Variants in DGKQ observed in about 807,000 individuals in gnomAD.
The protein encoded by DGKQ is diacylglycerol kinase theta.
DGKQ carries 97 observed loss-of-function variants against 104.2 expected under a neutral mutation model. That is an observed-to-expected ratio of 0.93 (90% confidence interval 0.79 to 1.10). The LOEUF (loss-of-function observed/expected upper bound fraction) is 1.10, where lower values mean the gene tolerates loss of function less well. Ranked by LOEUF, DGKQ falls within the 50% of genes least tolerant of loss-of-function variation. DGKQ has a pLI of 0.00. For synonymous variants in DGKQ, 736 were observed against 595.2 expected, an observed-to-expected ratio of 1.24 and a Z score of -3.44; for missense variants, 1,465 against 1,352.1, an observed-to-expected ratio of 1.08 and a Z score of -1.31.
chr4:960,561 TG>T lies in DGKQ; in HGVS notation c.*58del, dbSNP rs1711800342. Reference sequence around the variant, plus strand: ...GACGTGGAGCTGCCTCCAGACCACCTGAAAACAAGGCTGGCGGGAGCAGAGA... The same window carrying T: ...GACGTGGAGCTGCCTCCAGACCACCTAAAACAAGGCTGGCGGGAGCAGAGA... On this transcript the variant is annotated 3_prime_UTR_variant, in exon 23 of 23. Coordinates refer to ENST00000273814, the MANE Select transcript of DGKQ (RefSeq NM_001347.4). 6.5e-7 allele frequency: 1 copy of T among 1,528,990 alleles called. No individual in the cohort carries two copies. The highest frequency in any genetic ancestry group is 1.4e-5 in the African/African-American group (1 of 73,370). The allele number at this position is 1,528,990 out of a possible 1,614,324, so 94.7% of individuals were successfully genotyped here. A position where few individuals can be genotyped will look rare whatever the true frequency, so the allele number is the denominator to read the frequency against.
At position 967,939 on chromosome 4, in the gene DGKQ, A is replaced by G. The variant is rs1277604283; in HGVS notation, c.752T>C (p.Leu251Pro). ...CGTCTTGCTGAAGCCGCCGGGCAGA[A>G]GGCGCACGCACGCGGGAGGCAGGAC... is the stretch of plus-strand genomic sequence containing the variant. ...SLVLPPACVR[L>P]LPGGFSKTQS... Residue 251 changes from leucine to proline, a missense_variant, in exon 6 of 23, where the codon CTT becomes CCT. Transcript: ENST00000273814. 4 of 1,476,690 alleles carry G rather than the reference A, an allele frequency of 2.7e-6. No individual in the cohort carries two copies. In the African/African-American group the frequency reaches 4.4e-5, roughly 16 times the overall value. 91.5% of individuals were successfully genotyped at this position (1,476,690 alleles called of 1,614,324 possible).
At chr4:965,336 C>T in intron 14 of DGKQ, 45 bp from the exon 15 acceptor site, 1 of 1,592,298 alleles carries the variant, frequency 6.3e-7, no homozygotes, top group African/African-American at 1.3e-5. Flanking sequence ...TCCCATGGCC[C>T]CCACGGTGCC....
chr4:960,860 C>T, intron 22 of DGKQ, 139 bp from the exon 23 acceptor site: 1 of 1,478,830 alleles, frequency 6.8e-7, no homozygotes. Context: ...ACCTGTCTGG[C>T]TGCTCCCTGT....
chr4:973,338 C>T lies in DGKQ; in HGVS notation c.145G>A (p.Gly49Ser). 1.4e-6 allele frequency: 2 copies of T among 1,392,012 alleles called. No individual in the cohort carries two copies. Among genetic ancestry groups the T allele is most frequent in the Non-Finnish European group, 1.9e-6 (2 of 1,063,654 alleles). 86.2% of individuals were successfully genotyped at this position (1,392,012 alleles called of 1,614,324 possible). A position where few individuals can be genotyped will look rare whatever the true frequency, so the allele number is the denominator to read the frequency against. ...PGPGPGPERA[G>S]VRAPGPAAAP... ...GCAGCGGGGCCCGGGGCTCTGACGC[C>T]CGCCCGCTCGGGTCCCGGCCCCGGC... The change falls in exon 1 of 23, where the codon GGC becomes AGC. Residue 49 changes from glycine (G) to serine (S), a missense_variant. Transcript: ENST00000273814.
chr4:963,005 G>T, intron 16 of DGKQ, 85 bp from the exon 17 acceptor site: 1 of 1,522,022 alleles, frequency 6.6e-7, no homozygotes, highest in Middle Eastern at 2.0e-4. Context: ...TGCCCGTCCT[G>T]GCCGTGTGGA....
At chr4:964,593 G>A (rs771441681) in intron 15 of DGKQ, among the ~76,000 whole-genome samples, 27 of 152,018 alleles carry the variant, frequency 1.8e-4, no homozygotes, top group Non-Finnish European at 3.4e-4. Flanking sequence ...GCCCTGCCCT[G>A]TTGCCAGGTG....
rs758768735 is a variant in DGKQ at position 960,657 on chromosome 4, G to A, written c.2792C>T (p.Ala931Val). 38 of 1,612,004 alleles carry A rather than the reference G, an allele frequency of 2.4e-5. No individual in the cohort carries two copies. The highest frequency in any genetic ancestry group is 1.7e-4 in the African/African-American group (13 of 74,896). ...RRAGTTRDAR[A>V]DAAPAPESDP... ...GCTCTCAGGGGCAGGCGCAGCATCCGCCCGGGCATCCCTGGTGGTCCCGGC... is the reference window on the plus strand; with the variant it reads ...GCTCTCAGGGGCAGGCGCAGCATCCACCCGGGCATCCCTGGTGGTCCCGGC... Residue 931 changes from alanine to valine, a missense_variant, in exon 23 of 23, where the codon GCG becomes GTG. Transcript: ENST00000273814.
intron 18 of DGKQ, 58 bp downstream of exon 18, chr4:962,377 G>A (rs977703295): frequency 1.4e-5 from 20 of 1,475,270 alleles, no homozygotes; most frequent in African/African-American, 1.1e-4. Flanking sequence ...GTTGTGACGC[G>A]TGTAGCGGGG....
chr4:969,005 G>A (rs1712710766), intron 2 of DGKQ, 95 bp from the exon 3 acceptor site: 7 of 819,624 alleles, frequency 8.5e-6, no homozygotes, highest in South Asian at 5.6e-5. Flanking sequence ...TGCAGCTCAC[G>A]CTCCTGCTGA....
chr4:965,404 A>G lies in DGKQ; in HGVS notation c.1618+87T>C, dbSNP rs1446490497. The G allele has an allele frequency of 4.5e-6, 7 of 1,547,190 alleles. No homozygotes were observed. In the East Asian group the frequency reaches 7.0e-5, roughly 15 times the overall value. On this transcript the variant is annotated intron_variant, in intron 14 of 22. Coordinates refer to ENST00000273814, the MANE Select transcript of DGKQ (RefSeq NM_001347.4). ...CCCAGGGCTGCCCAAGGGAAAGGTCAGGTGCTACGTGAGGGCCAGGGCTGT... is the reference window on the plus strand; with the variant it reads ...CCCAGGGCTGCCCAAGGGAAAGGTCGGGTGCTACGTGAGGGCCAGGGCTGT...
rs950848495 is a variant in DGKQ at position 960,972 on chromosome 4, C to G, written c.2727+77G>C. The G allele has an allele frequency of 1.1e-5, 17 of 1,573,010 alleles. No homozygotes were observed. In the East Asian group the frequency reaches 3.6e-4, roughly 33 times the overall value. Reference sequence around the variant, plus strand: ...CCGCAGCCGGCCATGCCAGCACCACCTGGGTACCACTGGCCACTCCCATGG... The same window carrying G: ...CCGCAGCCGGCCATGCCAGCACCACGTGGGTACCACTGGCCACTCCCATGG... On this transcript the variant is annotated intron_variant, in intron 22 of 22. Coordinates refer to ENST00000273814, the MANE Select transcript of DGKQ (RefSeq NM_001347.4).
intron 1 of DGKQ, among the ~76,000 whole-genome samples, 169 bp downstream of exon 1, chr4:973,043 G>A (rs1010719508): frequency 5.9e-5 from 9 of 152,250 alleles, no homozygotes; most frequent in African/African-American, 1.9e-4. Flanking sequence ...GCCTGGAGCG[G>A]CCCCACGGCG....
Position 959,651 on chromosome 4 carries a change from A to G in DGKQ, c.*969T>C, listed in dbSNP as rs548500048. 11 of 152,518 alleles carry G rather than the reference A, an allele frequency of 7.2e-5. 1 individual carries two copies. The highest frequency in any genetic ancestry group is 2.4e-4 in the African/African-American group (10 of 41,576). The allele number at this position is 152,518 out of a possible 1,614,324, so 9.4% of individuals were successfully genotyped here. A position where few individuals can be genotyped will look rare whatever the true frequency, so the allele number is the denominator to read the frequency against. ...CTCACACAGGCACTGGGAACTGCAC[A>G]TCAACAGCGGGCAAGCAGCGTGGAA... On this transcript the variant is annotated 3_prime_UTR_variant, in exon 23 of 23. Coordinates refer to ENST00000273814, the MANE Select transcript of DGKQ (RefSeq NM_001347.4).
rs145217127 is a variant in DGKQ, at chr4:960,524, G to A, written c.*96C>T. On this transcript the variant is annotated 3_prime_UTR_variant, in exon 23 of 23. Coordinates refer to ENST00000273814, the MANE Select transcript of DGKQ (RefSeq NM_001347.4). ...TGTAGCCAGGTCCGACCACAGGGCC[G>A]GCCACTGTGTGGACGTGGAGCTGCC... The A allele has an allele frequency of 0.012, 13,544 of 1,166,112 alleles. 637 individuals carry two copies. Among genetic ancestry groups the A allele is most frequent in the South Asian group, 0.091 (7,017 of 77,058 alleles). The allele number at this position is 1,166,112 out of a possible 1,614,324, so 72.2% of individuals were successfully genotyped here. A position where few individuals can be genotyped will look rare whatever the true frequency, so the allele number is the denominator to read the frequency against.
intron 8 of DGKQ, 40 bp from the exon 9 acceptor site, chr4:967,401 TCA>T: frequency 1.6e-6 from 1 of 640,874 alleles, no homozygotes; most frequent in Non-Finnish European, 2.2e-6. Flanking sequence ...TTGTGGGGGG[TCA>T]GGCGGGGTTC....
At position 965,277 on chromosome 4, in the gene DGKQ, C is replaced by A; in HGVS notation, c.1633G>T (p.Asp545Tyr). 1 of 1,612,590 alleles carries A rather than the reference C, an allele frequency of 6.2e-7. No homozygotes were observed. The highest frequency in any genetic ancestry group is 8.5e-7 in the Non-Finnish European group (1 of 1,179,846). Residue 545 changes from aspartate (D) to tyrosine (Y), a missense_variant, in exon 15 of 23, where the codon GAC becomes TAC. Physicochemically the swap from Asp to Tyr is radical, Grantham distance 160. Transcript: ENST00000273814. ...TCGGCCTCCGCAAAGCAGGCAACGT[C>A]CAACACTACCGCGCCTGCGGCAGGA... Reference protein sequence around the residue: ...IYSSQGAVVLDVACFAEAERL... With the variant: ...IYSSQGAVVLYVACFAEAERL...
Position 966,447 on chromosome 4 carries a change from G to A in DGKQ, c.1428+19C>T, listed in dbSNP as rs200755553. The A allele has an allele frequency of 1.0e-4, 162 of 1,610,866 alleles. No individual in the cohort carries two copies. In the African/African-American group the frequency reaches 1.5e-3, roughly 15 times the overall value. ...GAGGGCTGCTGGTTCCCTGGGGGCC[G>A]GCGTCCACACCCACTCACCTGCCGG... On this transcript the variant is annotated intron_variant, in intron 12 of 22. Transcript: ENST00000273814.
In DGKQ at chr4:965,542, G is replaced by A. The variant is rs753385828; in HGVS notation, c.1580-13C>T. ...GACACCACGGTGGCTGCAAAGGCAG[G>A]CTGTGGTCAGGGCGGTGGGAGGCGA... On this transcript the variant is annotated splice_polypyrimidine_tract_variant and intron_variant, in intron 13 of 22. Transcript: ENST00000273814. 3.1e-6 allele frequency: 5 copies of A among 1,611,272 alleles called. No homozygotes were observed. Among genetic ancestry groups the A allele is most frequent in the South Asian group, 1.1e-5 (1 of 90,674 alleles).
At position 967,269 on chromosome 4, in the gene DGKQ, C is replaced by T. The variant is rs770232136; in HGVS notation, c.1080G>A (p.Trp360Ter). 3.2e-5 allele frequency: 50 copies of T among 1,552,898 alleles called. No individual in the cohort carries two copies. The highest frequency in any genetic ancestry group is 4.1e-5 in the African/African-American group (3 of 73,544). The change falls in exon 9 of 23, where the codon TGG (tryptophan) becomes TGA (stop). Residue 360 changes from tryptophan to a stop codon, truncating the protein, a stop_gained. Coordinates refer to ENST00000273814, the MANE Select transcript of DGKQ (RefSeq NM_001347.4). LOFTEE classifies it high-confidence loss of function. ...CAGCACTCCCAGCCTTGCCCCCAGC[C>T]CAGGCGTCACAGGCCTGAGAGGAAG... Reference protein sequence around the residue: ...LPPSSQACDAWAGGKAGSAVI... With the variant: ...LPPSSQACDA
Sources: allele counts gnomAD v4.1 joint callset (sites outside exome capture counted in the v4.1 genomes callset), GRCh38; gene constraint gnomAD v4.1.1; transcripts MANE v1.5; gene names NCBI Gene and HGNC (gene_info 2026-07-23, HGNC 2026-07-21).